The following RBL1 variants were observed in gnomAD, a reference collection of about 807,000 sequenced individuals.
RBL1 encodes RB transcriptional corepressor like 1.
A neutral mutation model predicts 123.0 loss-of-function variants in RBL1; 82 were observed. The observed-to-expected ratio is 0.67, with a 90% CI of 0.56 to 0.80. The LOEUF is 0.80. RBL1 is among the 30% of genes least tolerant of loss of function. The probability of loss-of-function intolerance (pLI) is 0.00; values close to 1 mark genes in which losing one functional copy is unlikely to be tolerated. For missense variants in RBL1, 1,171 were observed against 1,299.6 expected (o/e 0.90, Z 1.52); for synonymous variants, 405 against 441.3 (o/e 0.92, Z 1.03).
chr20:37,082,902 T>C (rs2065474889), intron 2 of RBL1, among the ~76,000 whole-genome samples: 1 of 151,800 alleles, frequency 6.6e-6, no homozygotes, highest in South Asian at 2.1e-4. Flanking sequence ...CTTGGGAGGA[T>C]GAGGTGGGAG....
At chr20:37,094,688 G>C (rs2065700582) in intron 1 of RBL1, among the ~76,000 whole-genome samples, 1 of 152,178 alleles carries the variant, frequency 6.6e-6, no homozygotes, top group Non-Finnish European at 1.5e-5. Context: ...CCAGGCTGGA[G>C]TGCAGTGGTG....
intron 1 of RBL1, among the ~76,000 whole-genome samples, chr20:37,092,334 C>T (rs1470100106): frequency 1.3e-5 from 2 of 151,910 alleles, no homozygotes; most frequent in Non-Finnish European, 2.9e-5. Context: ...AAAGAATACA[C>T]TGATTTTTAT....
intron 13 of RBL1, 33 bp from the exon 14 acceptor site, chr20:37,040,318 T>G: frequency 6.3e-7 from 1 of 1,595,648 alleles, no homozygotes; most frequent in South Asian, 1.1e-5. Flanking sequence ...GATTTACATA[T>G]AGATAAACTT....
chr20:37,049,584 T>G, intron 11 of RBL1: 1 of 755,734 alleles, frequency 1.3e-6, no homozygotes, highest in Non-Finnish European at 2.4e-6. Context: ...GCAAAATTAG[T>G]TGCTTTCGTC....
At position 36,998,750 on chromosome 20, in the gene RBL1, A is replaced by G; in HGVS notation, c.*9T>C. ...TGAAAGTGCTTTTATCATAGAAACA[A>G]GAACAACATTAATGATTTGCTCTTT... On this transcript the variant is annotated 3_prime_UTR_variant, in exon 22 of 22. Transcript: ENST00000373664. The G allele has an allele frequency of 6.2e-7, 1 of 1,601,986 alleles. No individual in the cohort carries two copies.
rs762444687 is a variant in RBL1 at position 37,035,559 on chromosome 20, T to C, written c.1904-51A>G. 3.6e-6 allele frequency: 5 copies of C among 1,404,786 alleles called. No individual in the cohort carries two copies. In the South Asian group the frequency reaches 7.5e-5, roughly 21 times the overall value. 87.0% of individuals were successfully genotyped at this position (1,404,786 alleles called of 1,614,324 possible). A position where few individuals can be genotyped will look rare whatever the true frequency, so the allele number is the denominator to read the frequency against. On this transcript the variant is annotated intron_variant, in intron 14 of 21. Coordinates refer to ENST00000373664, the MANE Select transcript of RBL1 (RefSeq NM_002895.5). Reference sequence around the variant, plus strand: ...CAGAAATGTATTCCAAAATAATAAATTAGGTTTACTCATTCACTCAACAGA... The same window carrying C: ...CAGAAATGTATTCCAAAATAATAAACTAGGTTTACTCATTCACTCAACAGA...
intron 20 of RBL1, among the ~76,000 whole-genome samples, chr20:37,004,912 G>T (rs913914806): frequency 6.6e-6 from 1 of 151,448 alleles, no homozygotes; most frequent in Non-Finnish European, 1.5e-5. Context: ...GTGTGGTGGC[G>T]TGCGCCTATA....
intron 11 of RBL1, among the ~76,000 whole-genome samples, chr20:37,054,842 T>A (rs2064977847): frequency 6.6e-6 from 1 of 151,378 alleles, no homozygotes; most frequent in South Asian, 2.1e-4. Context: ...AAAAAAAAAA[T>A]TTACTTCTTT....
chr20:37,055,418 A>C, intron 11 of RBL1, 135 bp downstream of exon 11: 1 of 1,360,618 alleles, frequency 7.3e-7, no homozygotes, highest in Non-Finnish European at 1.0e-6. Context: ...CATGTGCTAA[A>C]GTCAACTAAA....
Position 37,035,326 on chromosome 20 carries a change from T to C in RBL1, c.2086A>G (p.Ile696Val), listed in dbSNP as rs146678174. The change falls in exon 15 of 22, where the codon ATT becomes GTT. Residue 696 changes from isoleucine to valine, a missense_variant. Transcript: ENST00000373664. The part of the protein sequence containing the change: ...SSSITAENVS[I>V]LPGQTLLTMA... Reference sequence around the variant, plus strand: ...GTTAGAAGAGTTTGACCAGGTAAAATTGATACATTTTCAGCAGTAATGCTT... The same window carrying C: ...GTTAGAAGAGTTTGACCAGGTAAAACTGATACATTTTCAGCAGTAATGCTT... The C allele has an allele frequency of 9.3e-6, 15 of 1,613,958 alleles. No individual in the cohort carries two copies. The highest frequency in any genetic ancestry group is 2.7e-5 in the African/African-American group (2 of 74,924).
At chr20:37,089,377 T>C (rs531354372) in intron 1 of RBL1, among the ~76,000 whole-genome samples, 45 of 151,766 alleles carry the variant, frequency 3.0e-4, no homozygotes, top group Middle Eastern at 6.8e-3. Context: ...AAAGCCTGGC[T>C]TGGTGGCTCA....
intron 11 of RBL1, among the ~76,000 whole-genome samples, chr20:37,052,358 GTC>G (rs954859697): frequency 7.9e-5 from 12 of 151,812 alleles, no homozygotes; most frequent in African/African-American, 2.7e-4. Flanking sequence ...TTGAGATGCA[GTC>G]TCTCTCTGTC....
intron 11 of RBL1, among the ~76,000 whole-genome samples, chr20:37,048,384 A>G (rs982315978): frequency 1.3e-5 from 2 of 152,204 alleles, no homozygotes; most frequent in Non-Finnish European, 2.9e-5. Flanking sequence ...CTGGAGACTC[A>G]GAGGTAGAGA....
At chr20:37,087,899 TAC>T (rs2065575007) in intron 2 of RBL1, among the ~76,000 whole-genome samples, 1 of 152,176 alleles carries the variant, frequency 6.6e-6, no homozygotes, top group South Asian at 2.1e-4. Context: ...TTTAAAGAAA[TAC>T]ACAGTGAAGT....
At chr20:37,045,954 T>C (rs918952244) in intron 12 of RBL1, among the ~76,000 whole-genome samples, 1 of 152,204 alleles carries the variant, frequency 6.6e-6, no homozygotes, top group Non-Finnish European at 1.5e-5. Context: ...GTAGCATTAG[T>C]CTTAAAGTTC....
At chr20:37,011,276 C>T (rs2064143838) in intron 19 of RBL1, among the ~76,000 whole-genome samples, 1 of 152,148 alleles carries the variant, frequency 6.6e-6, no homozygotes, top group African/African-American at 2.4e-5. Flanking sequence ...GACTGCCACT[C>T]TGGAGCAGTC....
intron 11 of RBL1, among the ~76,000 whole-genome samples, chr20:37,048,942 C>T (rs1464233985): frequency 1.3e-5 from 2 of 150,260 alleles, no homozygotes; most frequent in Admixed American, 1.3e-4. Flanking sequence ...TGGCTCAAGC[C>T]TGTAATCCCA....
intron 21 of RBL1, among the ~76,000 whole-genome samples, chr20:37,001,073 C>CG (rs2063969760): frequency 1.4e-5 from 2 of 143,316 alleles, no homozygotes; most frequent in Admixed American, 1.4e-4. Flanking sequence ...GGGAGGGAGG[C>CG]GGGGAGGTCA....
intron 14 of RBL1, among the ~76,000 whole-genome samples, chr20:37,036,788 G>C (rs939299722): frequency 1.3e-5 from 2 of 151,906 alleles, no homozygotes; most frequent in Non-Finnish European, 2.9e-5. Flanking sequence ...ACCATGCCCG[G>C]CTAATTTTTT....
Sources: gnomAD v4.1 joint callset for allele counts (sites outside exome capture counted in the v4.1 genomes callset) on GRCh38, gnomAD v4.1.1 for gene constraint, MANE v1.5 for transcripts, NCBI Gene and HGNC (gene_info 2026-07-23, HGNC 2026-07-21) for gene names.